Variants in KCNN2 observed in about 807,000 individuals in gnomAD.
KCNN2 encodes the protein potassium calcium-activated channel subfamily N member 2, also known as small conductance calcium-activated potassium channel protein 2.
A neutral mutation model predicts 55.5 loss-of-function variants in KCNN2; 24 were observed. The ratio of observed to expected loss-of-function variants is 0.43; its 90% CI spans 0.31 to 0.61. The LOEUF (loss-of-function observed/expected upper bound fraction) is 0.61. Among genes scored for constraint, KCNN2 ranks in the 20% least tolerant of loss-of-function variants. The probability of loss-of-function intolerance (pLI) is 0.08; values close to 1 mark genes in which losing one functional copy is unlikely to be tolerated. For missense variants in KCNN2, 754 were observed against 853.6 expected (o/e 0.88, Z 1.45); for synonymous variants, 431 against 336.1 (o/e 1.28, Z -3.09).
At chr5:114,302,841 A>C in intron 2 of KCNN2, among the ~76,000 whole-genome samples, 1 of 152,196 alleles carries the variant, frequency 6.6e-6, no homozygotes, top group Non-Finnish European at 1.5e-5. Context: ...GTACCCAAGC[A>C]GGTGTTACTC....
At chr5:114,144,452 C>T (rs1752354314) in intron 1 of KCNN2, among the ~76,000 whole-genome samples, 1 of 152,102 alleles carries the variant, frequency 6.6e-6, no homozygotes, top group Non-Finnish European at 1.5e-5. Context: ...AGCAATCAAG[C>T]CCATCATTAC....
intron 1 of KCNN2, among the ~76,000 whole-genome samples, chr5:114,141,451 G>A (rs1752278497): frequency 6.6e-6 from 1 of 152,048 alleles, no homozygotes; most frequent in South Asian, 2.1e-4. Context: ...TCCCTACAAA[G>A]GACATGAACT....
Position 114,399,750 on chromosome 5 carries a change from G to A in KCNN2, c.1219-4688G>A, listed in dbSNP as rs544095829. Among the ~76,000 whole-genome samples the A allele has an allele frequency of 2.6e-5, 4 of 152,154 alleles. No homozygotes were observed. In the South Asian group the frequency reaches 8.3e-4, roughly 32 times the overall value. The stretch of plus-strand genomic sequence containing the variant: ...CTCTGGTTCTGTGCTTTTTCTGATT[G>A]ATAGGCTTTTTATTACTGATTCCAT... On this transcript the variant is annotated intron_variant, in intron 2 of 7. Coordinates refer to ENST00000673685, the MANE Select transcript of KCNN2 (RefSeq NM_021614.4).
intron 2 of KCNN2, among the ~76,000 whole-genome samples, chr5:114,290,056 T>A (rs1755850710): frequency 6.6e-6 from 1 of 152,232 alleles, no homozygotes; most frequent in African/African-American, 2.4e-5. Flanking sequence ...TTAAAGGATA[T>A]TGGCCTGTAG....
At chr5:114,090,093 A>G (rs1417338219) in intron 1 of KCNN2, among the ~76,000 whole-genome samples, 7 of 152,220 alleles carry the variant, frequency 4.6e-5, no homozygotes, top group African/African-American at 7.2e-5. Context: ...TGTGTGAACT[A>G]TACTATACTG....
intron 1 of KCNN2, among the ~76,000 whole-genome samples, chr5:114,181,106 T>C (rs969544652): frequency 1.3e-5 from 2 of 152,226 alleles, no homozygotes; most frequent in Non-Finnish European, 2.9e-5. Context: ...GCAAGTATTT[T>C]TGTGGACATG....
intron 1 of KCNN2, among the ~76,000 whole-genome samples, chr5:114,124,474 C>T (rs138744181): frequency 6.6e-6 from 1 of 152,108 alleles, no homozygotes; most frequent in Non-Finnish European, 1.5e-5. Flanking sequence ...ATCTGCCCCC[C>T]CTGGAATTTC....
At chr5:114,211,715 G>GA (rs1753889057) in intron 1 of KCNN2, among the ~76,000 whole-genome samples, 1 of 151,972 alleles carries the variant, frequency 6.6e-6, no homozygotes, top group Non-Finnish European at 1.5e-5. Flanking sequence ...AAGTTAAAAA[G>GA]ATGTTACAGT....
chr5:114,144,955 A>G (rs1208445684), intron 1 of KCNN2, among the ~76,000 whole-genome samples: 3 of 152,130 alleles, frequency 2.0e-5, no homozygotes, highest in South Asian at 2.1e-4. Flanking sequence ...TGGAAATAGT[A>G]GTGTAAATCA....
At chr5:114,312,780 A>G (rs1580714529) in intron 2 of KCNN2, among the ~76,000 whole-genome samples, 1 of 152,118 alleles carries the variant, frequency 6.6e-6, no homozygotes, top group East Asian at 1.9e-4. Context: ...TTTCAAGGCA[A>G]TGTTTATTTT....
At chr5:114,145,784 A>C (rs188115699) in intron 1 of KCNN2, among the ~76,000 whole-genome samples, 1 of 152,274 alleles carries the variant, frequency 6.6e-6, no homozygotes, top group East Asian at 1.9e-4. Context: ...CAGTCTGTGG[A>C]GTGACACAGG....
intron 2 of KCNN2, among the ~76,000 whole-genome samples, chr5:114,276,658 A>T (rs1171060730): frequency 2.0e-4 from 26 of 130,418 alleles, no homozygotes; most frequent in East Asian, 8.8e-4. Flanking sequence ...CAACCCCTGC[A>T]TTTTTTTTTT....
rs765992584 is a variant in KCNN2 at position 114,363,277 on chromosome 5, C to A, written c.1122+16C>A. On this transcript the variant is annotated intron_variant, in intron 1 of 7. Transcript: ENST00000673685. ...CTACGACAAGGTACAGGCTTGAACCCCAGCCCACGCTACCGGAGTCGGGCA... is the reference window on the plus strand; with the variant it reads ...CTACGACAAGGTACAGGCTTGAACCACAGCCCACGCTACCGGAGTCGGGCA... 13 of 1,574,128 alleles carry A rather than the reference C, an allele frequency of 8.3e-6. No individual in the cohort carries two copies. The highest frequency in any genetic ancestry group is 3.5e-5 in the South Asian group (3 of 85,802).
At chr5:114,227,368 A>T (rs1193314565) in intron 2 of KCNN2, among the ~76,000 whole-genome samples, 1 of 152,154 alleles carries the variant, frequency 6.6e-6, no homozygotes, top group Non-Finnish European at 1.5e-5. Context: ...TTTATTCATA[A>T]AGCATCCCTA....
chr5:114,193,508 G>T (rs150437086), intron 1 of KCNN2, among the ~76,000 whole-genome samples: 283 of 152,214 alleles, frequency 1.9e-3, no homozygotes, highest in African/African-American at 6.6e-3. Context: ...CAATCCTTTA[G>T]TTAGTGCTAT....
At chr5:114,294,651 G>T (rs1297517354) in intron 2 of KCNN2, among the ~76,000 whole-genome samples, 1 of 152,150 alleles carries the variant, frequency 6.6e-6, no homozygotes, top group African/African-American at 2.4e-5. Context: ...GTGTGGTGCT[G>T]AAAAGAATGT....
intron 5 of KCNN2, among the ~76,000 whole-genome samples, chr5:114,481,431 G>C (rs1256430170): frequency 3.3e-5 from 5 of 151,890 alleles, no homozygotes; most frequent in South Asian, 2.1e-4. Flanking sequence ...CATGCTCATA[G>C]ATAACAATCA....
At chr5:114,418,537 T>G (rs1156284171) in intron 3 of KCNN2, among the ~76,000 whole-genome samples, 5 of 151,956 alleles carry the variant, frequency 3.3e-5, no homozygotes, top group Non-Finnish European at 5.9e-5. Context: ...ACTGTGCAGC[T>G]GCCATCATTG....
At chr5:114,295,705 A>G (rs924797126) in intron 2 of KCNN2, among the ~76,000 whole-genome samples, 33 of 151,810 alleles carry the variant, frequency 2.2e-4, no homozygotes, top group Admixed American at 2.2e-3. Flanking sequence ...CACTAAACCC[A>G]CTTTCCTGCA....
Sources: gnomAD v4.1 joint callset for allele counts (sites outside exome capture counted in the v4.1 genomes callset) on GRCh38, gnomAD v4.1.1 for gene constraint, MANE v1.5 for transcripts, NCBI Gene and HGNC (gene_info 2026-07-23, HGNC 2026-07-21) for gene names.